Variants in CSMD3 observed in about 807,000 individuals in gnomAD.
CSMD3 encodes CUB and sushi domain-containing protein 3.
A neutral mutation model predicts 435.2 loss-of-function variants in CSMD3; 177 were observed. The observed-to-expected ratio is 0.41, with a 90% CI of 0.36 to 0.46. CSMD3 has a LOEUF of 0.46. Ranked by LOEUF, CSMD3 falls within the 20% of genes least tolerant of loss-of-function variation. CSMD3 has a pLI of 0.34. For missense variants in CSMD3, 4,265 were observed against 4,504.6 expected (o/e 0.95, Z 1.52); for synonymous variants, 1,656 against 1,520.5 (o/e 1.09, Z -2.07).
chr8:112,236,176 A>ATAT (rs1390377381), intron 67 of CSMD3, among the ~76,000 whole-genome samples: 4 of 151,958 alleles, frequency 2.6e-5, no homozygotes, highest in African/African-American at 9.7e-5. Flanking sequence ...AAATCAATGA[A>ATAT]TATAATTTTA....
intron 2 of CSMD3, among the ~76,000 whole-genome samples, chr8:113,291,097 T>G (rs1029073548): frequency 6.6e-6 from 1 of 151,622 alleles, no homozygotes; most frequent in Non-Finnish European, 1.5e-5. Context: ...GGGATACTTA[T>G]GTGAGATTTA....
intron 2 of CSMD3, chr8:113,313,364 C>T (rs1179530890): frequency 6.6e-6 from 1 of 151,946 alleles, no homozygotes; most frequent in Non-Finnish European, 1.5e-5. Flanking sequence ...CTCTGTCACC[C>T]AGGCTGGAGT....
chr8:113,139,650 G>T (rs1206232040), intron 4 of CSMD3, among the ~76,000 whole-genome samples: 1 of 150,714 alleles, frequency 6.6e-6, no homozygotes, highest in Non-Finnish European at 1.5e-5. Context: ...ATAAACACAT[G>T]AAAACAGAGA....
At position 113,333,167 on chromosome 8, in the gene CSMD3, T is replaced by C. The variant is rs2094041387; in HGVS notation, c.179-18374A>G. Among the ~76,000 whole-genome samples the C allele has an allele frequency of 2.6e-5, 4 of 151,734 alleles. No individual in the cohort carries two copies. The South Asian group carries it at 8.3e-4, about 31-fold the overall frequency. On this transcript the variant is annotated intron_variant, in intron 1 of 70. Coordinates refer to ENST00000297405, the MANE Select transcript of CSMD3 (RefSeq NM_198123.2). The stretch of plus-strand genomic sequence containing the variant: ...TGCTAAATTTGAAAGGTTGTATATA[T>C]TCTAGATGCAGGTACTCTTCTCCAG...
intron 22 of CSMD3, among the ~76,000 whole-genome samples, chr8:112,608,442 A>C (rs1832966617): frequency 6.6e-6 from 1 of 152,114 alleles, no homozygotes; most frequent in Admixed American, 6.6e-5. Flanking sequence ...TGGAAAATCA[A>C]ACCAGAATTC....
intron 1 of CSMD3, among the ~76,000 whole-genome samples, chr8:113,350,308 T>C (rs2094181614): frequency 1.3e-5 from 2 of 152,262 alleles, no homozygotes; most frequent in South Asian, 4.2e-4. Context: ...AACTGACATA[T>C]ATAAGGAACT....
At chr8:112,681,091 G>A (rs1237736258) in intron 16 of CSMD3, among the ~76,000 whole-genome samples, 1 of 150,112 alleles carries the variant, frequency 6.7e-6, no homozygotes, top group East Asian at 2.0e-4. Context: ...CTGGAGTGCA[G>A]TGGCGCGATC....
At chr8:112,897,664 TTC>T (rs148140086) in intron 10 of CSMD3, among the ~76,000 whole-genome samples, 3,573 of 134,844 alleles carry the variant, frequency 0.026, 130 homozygotes, top group African/African-American at 0.089. Context: ...AAAATACTAT[TTC>T]TCTCTCTCTC....
intron 7 of CSMD3, among the ~76,000 whole-genome samples, chr8:112,966,021 T>A (rs2084402368): frequency 6.6e-6 from 1 of 151,536 alleles, no homozygotes. Context: ...TTAGGGAAAG[T>A]CAAGAGAACA....
chr8:112,323,600 A>G lies in CSMD3; in HGVS notation c.7166-3619T>C, dbSNP rs1012717477. On this transcript the variant is annotated intron_variant, in intron 45 of 70. Coordinates refer to ENST00000297405, the MANE Select transcript of CSMD3 (RefSeq NM_198123.2). ...ATGTGATGATGAAGGTTCAAACTGT[A>G]GTGATTCATCTATAAGCTAAGGAAT... Among the ~76,000 whole-genome samples, 3 of 152,226 alleles carry G rather than the reference A, an allele frequency of 2.0e-5. No individual in the cohort carries two copies. The South Asian group carries it at 6.2e-4, about 32-fold the overall frequency.
At chr8:112,330,139 A>G (rs16883453) in intron 45 of CSMD3, among the ~76,000 whole-genome samples, 5,274 of 152,204 alleles carry the variant, frequency 0.035, 308 homozygotes, top group African/African-American at 0.12. Context: ...ATGTCCTTAC[A>G]TCTGCAGCAA....
chr8:112,975,098 G>T (rs189828891), intron 7 of CSMD3, among the ~76,000 whole-genome samples: 2 of 151,426 alleles, frequency 1.3e-5, no homozygotes, highest in Admixed American at 6.6e-5. Context: ...ACAGAAAAAT[G>T]TATTTTCTAG....
intron 10 of CSMD3, among the ~76,000 whole-genome samples, chr8:112,875,249 A>G (rs193168613): frequency 1.3e-5 from 2 of 152,260 alleles, no homozygotes; most frequent in African/African-American, 4.8e-5. Flanking sequence ...ATTGGCCCCC[A>G]CTTTCTTCTG....
chr8:112,649,709 TCGGAGTAAA>T (rs1410074263), intron 19 of CSMD3, among the ~76,000 whole-genome samples: 9 of 152,182 alleles, frequency 5.9e-5, no homozygotes, highest in African/African-American at 1.9e-4. Flanking sequence ...AACAGGGTAG[TCGGAGTAAA>T]CTACCATAGT....
chr8:112,488,069 C>A (rs773690549), intron 31 of CSMD3, among the ~76,000 whole-genome samples: 25 of 152,110 alleles, frequency 1.6e-4, no homozygotes, highest in Admixed American at 5.9e-4. Flanking sequence ...AGCTAAACTG[C>A]AAAGTTTCTC....
At chr8:113,279,066 A>C (rs193055930) in intron 2 of CSMD3, among the ~76,000 whole-genome samples, 78 of 151,592 alleles carry the variant, frequency 5.1e-4, no homozygotes, top group African/African-American at 1.8e-3. Flanking sequence ...TGTGAAACCT[A>C]GTGACTAAGT....
chr8:113,069,897 G>C (rs1267055809), intron 5 of CSMD3, among the ~76,000 whole-genome samples: 2 of 152,022 alleles, frequency 1.3e-5, no homozygotes, highest in East Asian at 3.9e-4. Context: ...CAACAGTCTA[G>C]GTGCCTGGGT....
rs536412270 is a variant in CSMD3, at chr8:112,672,115, C to T, written c.2678-5700G>A. Among the ~76,000 whole-genome samples the T allele has an allele frequency of 2.6e-5, 4 of 152,004 alleles. No individual in the cohort carries two copies. In the South Asian group the frequency reaches 6.2e-4, roughly 24 times the overall value. On this transcript the variant is annotated intron_variant, in intron 16 of 70. Coordinates refer to ENST00000297405, the MANE Select transcript of CSMD3 (RefSeq NM_198123.2). ...TACATGCTTGAGCTGGGTAAGTAGC[C>T]TTGAAATATAGGGCAGGGACAGGTA...
At chr8:112,337,073 C>T (rs1368900091) in intron 43 of CSMD3, among the ~76,000 whole-genome samples, 1 of 152,070 alleles carries the variant, frequency 6.6e-6, no homozygotes, top group African/African-American at 2.4e-5. Context: ...TAGTAAATTA[C>T]ATTGTCTTCT....
Sources: allele counts gnomAD v4.1 joint callset (sites outside exome capture counted in the v4.1 genomes callset), GRCh38; gene constraint gnomAD v4.1.1; transcripts MANE v1.5; gene names NCBI Gene and HGNC (gene_info 2026-07-23, HGNC 2026-07-21).